The following SIPA1L3 variants were observed in gnomAD, a reference collection of about 807,000 sequenced individuals.
SIPA1L3 encodes the protein signal-induced proliferation-associated 1-like protein 3.
SIPA1L3 carries 59 observed loss-of-function variants against 150.1 expected under a neutral mutation model. The ratio of observed to expected loss-of-function variants is 0.39; its 90% CI spans 0.32 to 0.49. The LOEUF (loss-of-function observed/expected upper bound fraction) is 0.49. Ranked by LOEUF, SIPA1L3 falls within the 20% of genes least tolerant of loss-of-function variation. The pLI, the probability that SIPA1L3 is intolerant of heterozygous loss-of-function variation, is 0.86. For synonymous variants in SIPA1L3, 1,070 were observed against 1,077.6 expected (o/e 0.99, Z 0.14); for missense variants, 2,211 against 2,489.5 (o/e 0.89, Z 2.38).
intron 1 of SIPA1L3, among the ~76,000 whole-genome samples, chr19:37,941,071 T>TACACAC (rs869026715): frequency 0.02 from 2,683 of 133,022 alleles, 43 homozygotes; most frequent in East Asian, 0.057. Context: ...GTTTGAGATG[T>TACACAC]ACACACACAC....
At chr19:38,161,593 T>C (rs957263356) in intron 13 of SIPA1L3, among the ~76,000 whole-genome samples, 15 of 151,580 alleles carry the variant, frequency 9.9e-5, no homozygotes, top group Non-Finnish European at 2.1e-4. Flanking sequence ...GGCATGGTGG[T>C]GCCACACCTG....
intron 10 of SIPA1L3, among the ~76,000 whole-genome samples, chr19:38,136,230 G>C (rs961240293): frequency 6.7e-6 from 1 of 148,596 alleles, no homozygotes; most frequent in Admixed American, 6.8e-5. Context: ...GAAAGTGGGA[G>C]CAGTGGTTGC....
At chr19:38,168,782 G>A (rs371483956) in intron 15 of SIPA1L3, among the ~76,000 whole-genome samples, 1 of 152,352 alleles carries the variant, frequency 6.6e-6, no homozygotes, top group Non-Finnish European at 1.5e-5. Context: ...GCCCGCTGCA[G>A]AAGAGGGCCC....
In SIPA1L3 at chr19:38,119,844, T is replaced by C. The variant is rs150886878; in HGVS notation, c.2830T>C (p.Ser944Pro). ...CATCTTCCTACAGGCGACAGAGGGT[T>C]CTGTGGAGGACATAAGGGAGATAGT... ...DHIFLQATEGSVEDIREIVQR... is the reference protein window; with the variant it reads ...DHIFLQATEGPVEDIREIVQR... Residue 944 changes from serine (S) to proline (P), a missense_variant, in exon 9 of 22, where the codon TCT becomes CCT. Physicochemically the swap from Ser to Pro is moderately conservative, Grantham distance 74. Around this residue, in one of 5 missense-constraint regions of SIPA1L3, gnomAD observed 625 missense variants for 804.2 expected, o/e 0.78. Transcript: ENST00000222345. The C allele has an allele frequency of 4.3e-4, 689 of 1,612,872 alleles. 1 individual carries two copies. The African/African-American group carries it at 7.9e-3, about 19-fold the overall frequency.
At chr19:38,066,448 C>G (rs1455357533) in intron 2 of SIPA1L3, among the ~76,000 whole-genome samples, 1 of 152,168 alleles carries the variant, frequency 6.6e-6, no homozygotes, top group Non-Finnish European at 1.5e-5. Context: ...GTAAAACAGT[C>G]AAAGCATCGT....
chr19:38,017,284 C>T (rs1398067184), intron 1 of SIPA1L3, among the ~76,000 whole-genome samples: 2 of 152,118 alleles, frequency 1.3e-5, no homozygotes, highest in African/African-American at 4.8e-5. Context: ...CAGGCATTTG[C>T]GGAACTGTTC....
At chr19:38,090,704 C>A (rs1970238957) in intron 4 of SIPA1L3, among the ~76,000 whole-genome samples, 1 of 152,260 alleles carries the variant, frequency 6.6e-6, no homozygotes, top group Non-Finnish European at 1.5e-5. Context: ...CCCCTTGGGC[C>A]TGGCCTTTGC....
chr19:38,088,242 C>T (rs1970182871), intron 3 of SIPA1L3, among the ~76,000 whole-genome samples: 1 of 152,196 alleles, frequency 6.6e-6, no homozygotes, highest in Non-Finnish European at 1.5e-5. Context: ...TGGGGCCAGA[C>T]ATCTATTAAG....
intron 13 of SIPA1L3, among the ~76,000 whole-genome samples, chr19:38,158,100 G>A (rs1971990008): frequency 6.6e-6 from 1 of 152,120 alleles, no homozygotes; most frequent in Non-Finnish European, 1.5e-5. Context: ...AGGCATAGTG[G>A]CGGGCACCTG....
At chr19:38,088,071 A>T (rs901034981) in intron 3 of SIPA1L3, among the ~76,000 whole-genome samples, 2 of 152,212 alleles carry the variant, frequency 1.3e-5, no homozygotes, top group Non-Finnish European at 2.9e-5. Context: ...GGTGAGATAA[A>T]GGTGATGCCT....
chr19:37,910,794 G>A (rs1003087228), intron 1 of SIPA1L3, among the ~76,000 whole-genome samples: 2 of 152,100 alleles, frequency 1.3e-5, no homozygotes, highest in African/African-American at 2.4e-5. Context: ...TAGTAGAGAT[G>A]GGGTTTCGCC....
intron 1 of SIPA1L3, among the ~76,000 whole-genome samples, chr19:37,959,820 T>TC (rs1311030053): frequency 2.7e-5 from 4 of 150,684 alleles, no homozygotes; most frequent in Admixed American, 1.3e-4. Flanking sequence ...AAACTTTCTT[T>TC]TTTTTTTTTT....
intron 2 of SIPA1L3, among the ~76,000 whole-genome samples, chr19:38,057,430 G>A (rs1031436626): frequency 9.2e-5 from 14 of 151,762 alleles, no homozygotes; most frequent in Admixed American, 5.3e-4. Flanking sequence ...TCAAATTATC[G>A]AGTCTTTCCT....
chr19:38,098,085 A>G (rs1438389049), intron 4 of SIPA1L3, among the ~76,000 whole-genome samples: 3 of 152,220 alleles, frequency 2.0e-5, no homozygotes, highest in South Asian at 4.1e-4. Context: ...TACAGTTATT[A>G]CTATAGTACC....
intron 12 of SIPA1L3, 133 bp from the exon 13 acceptor site, chr19:38,152,707 G>A (rs879682514): frequency 8.7e-5 from 80 of 917,048 alleles, no homozygotes; most frequent in Non-Finnish European, 1.1e-4. Flanking sequence ...CTTCCTAACC[G>A]CTTTCTCTCA....
intron 2 of SIPA1L3, among the ~76,000 whole-genome samples, chr19:38,038,473 C>T (rs1233616612): frequency 4.6e-5 from 7 of 151,684 alleles, no homozygotes; most frequent in Admixed American, 4.0e-4. Context: ...GCCTGTAATC[C>T]CAGCTGCTCA....
chr19:38,174,621 G>A (rs1460308243), intron 15 of SIPA1L3, among the ~76,000 whole-genome samples: 3 of 152,038 alleles, frequency 2.0e-5, no homozygotes, highest in Non-Finnish European at 2.9e-5. Flanking sequence ...AGGCCGAGGC[G>A]GGCGGATCAC....
chr19:37,955,798 A>G (rs911102374), intron 1 of SIPA1L3, among the ~76,000 whole-genome samples: 6 of 152,186 alleles, frequency 3.9e-5, no homozygotes, highest in African/African-American at 1.2e-4. Flanking sequence ...TTTCATTACC[A>G]TTATTCGTTA....
At chr19:38,074,800 T>C (rs932659875) in intron 2 of SIPA1L3, among the ~76,000 whole-genome samples, 3 of 152,254 alleles carry the variant, frequency 2.0e-5, no homozygotes, top group Non-Finnish European at 2.9e-5. Flanking sequence ...AGTCTTGCTC[T>C]ATCACTTGGG....
Sources: gnomAD v4.1 joint callset for allele counts (sites outside exome capture counted in the v4.1 genomes callset) on GRCh38, gnomAD v4.1.1 for gene constraint, gnomAD v4.1.1 regional missense constraint, MANE v1.5 for transcripts, NCBI Gene and HGNC (gene_info 2026-07-23, HGNC 2026-07-21) for gene names.